Variants in SEC24D observed in about 807,000 individuals in gnomAD.
SEC24D encodes the protein SEC24 homolog D, COPII component.
A neutral mutation model predicts 116.9 loss-of-function variants in SEC24D; 69 were observed. The observed-to-expected ratio is 0.59, with a 90% CI of 0.49 to 0.72. The LOEUF (loss-of-function observed/expected upper bound fraction) is 0.72. SEC24D is among the 30% of genes least tolerant of loss of function. The probability of loss-of-function intolerance (pLI) is 0.00; values close to 1 mark genes in which losing one functional copy is unlikely to be tolerated. For synonymous variants in SEC24D, 405 were observed against 442.8 expected, an observed-to-expected ratio of 0.91 and a Z score of 1.07; for missense variants, 1,131 against 1,264.1, an observed-to-expected ratio of 0.89 and a Z score of 1.60.
At position 118,726,518 on chromosome 4, in the gene SEC24D, G is replaced by A. The variant is rs1490109165; in HGVS notation, c.2958+2043C>T. On this transcript the variant is annotated intron_variant, in intron 22 of 22. Transcript: ENST00000280551. ...TTGGTTGTAGAATGTTTGGTATATT[G>A]CCGGTGTTCAATAAATATTTGTAGA... Among the ~76,000 whole-genome samples, 2 of 152,178 alleles carry A rather than the reference G, an allele frequency of 1.3e-5. 1 individual carries two copies. Among genetic ancestry groups the A allele is most frequent in the Non-Finnish European group, 2.9e-5 (2 of 68,036 alleles).
intron 8 of SEC24D, among the ~76,000 whole-genome samples, chr4:118,771,195 T>A (rs1009281741): frequency 6.6e-6 from 1 of 152,198 alleles, no homozygotes; most frequent in Non-Finnish European, 1.5e-5. Flanking sequence ...CAAGTTACTT[T>A]TCAAAAAATT....
At chr4:118,811,372 G>A (rs1006899147) in intron 6 of SEC24D, among the ~76,000 whole-genome samples, 8 of 152,198 alleles carry the variant, frequency 5.3e-5, no homozygotes, top group Admixed American at 5.2e-4. Context: ...AAGAGAAAGG[G>A]GATGTGACAG....
chr4:118,832,550 T>C (rs1730907523), intron 2 of SEC24D, among the ~76,000 whole-genome samples: 1 of 151,892 alleles, frequency 6.6e-6, no homozygotes, highest in Non-Finnish European at 1.5e-5. Flanking sequence ...TATACTTAGG[T>C]GTGTATGCAA....
At chr4:118,804,885 T>C (rs866572443) in intron 7 of SEC24D, among the ~76,000 whole-genome samples, 14 of 140,994 alleles carry the variant, frequency 9.9e-5, no homozygotes, top group Admixed American at 1.4e-4. Flanking sequence ...TATGCATGCA[T>C]ACACACACAC....
chr4:118,733,244 G>GTTT (rs34557737), intron 19 of SEC24D: 4 of 162,434 alleles, frequency 2.5e-5, no homozygotes, highest in Non-Finnish European at 5.2e-5. Flanking sequence ...TTTTCTCAGT[G>GTTT]TTTTTTTTTT....
chr4:118,831,515 G>A (rs1368544336), intron 2 of SEC24D, among the ~76,000 whole-genome samples: 1 of 152,118 alleles, frequency 6.6e-6, no homozygotes. Context: ...TCTAGAGCAA[G>A]CTTTTCCAAC....
chr4:118,827,758 A>C (rs1436480351), intron 2 of SEC24D, among the ~76,000 whole-genome samples: 1 of 152,130 alleles, frequency 6.6e-6, no homozygotes, highest in African/African-American at 2.4e-5. Context: ...ACATACTCCC[A>C]AGTCTGGTTC....
intron 2 of SEC24D, among the ~76,000 whole-genome samples, chr4:118,829,356 T>A (rs865820741): frequency 1.3e-4 from 20 of 152,044 alleles, no homozygotes; most frequent in Middle Eastern, 3.4e-3. Context: ...CTACAAAAAA[T>A]TTTAAAATTA....
chr4:118,745,253 A>G (rs1323430922), intron 13 of SEC24D, among the ~76,000 whole-genome samples, 193 bp from the exon 14 acceptor site: 1 of 152,204 alleles, frequency 6.6e-6, no homozygotes, highest in Non-Finnish European at 1.5e-5. Flanking sequence ...TGAGGCTGAG[A>G]GAGGACAAGC....
chr4:118,800,936 G>A (rs575775474), intron 7 of SEC24D, among the ~76,000 whole-genome samples: 1 of 152,152 alleles, frequency 6.6e-6, no homozygotes, highest in East Asian at 1.9e-4. Context: ...AACCCTGTCT[G>A]CCCATGGGCA....
chr4:118,788,518 A>G (rs6815903), intron 8 of SEC24D, among the ~76,000 whole-genome samples: 151,028 of 152,362 alleles, frequency 0.99, 74,868 homozygotes, highest in Middle Eastern at 1. Flanking sequence ...TTGTTTTACT[A>G]TTCTGTCCTT....
chr4:118,723,635 T>G lies in SEC24D; in HGVS notation c.2979A>C (p.Arg993=). ...YSMKLTIVKQ[R]EQPEMVFRQF... Reference sequence around the variant, plus strand: ...GTCGGAAAACCATTTCTGGTTGTTCTCGCTGCTTTACAATTGTGAGCTAGG... The same window carrying G: ...GTCGGAAAACCATTTCTGGTTGTTCGCGCTGCTTTACAATTGTGAGCTAGG... Residue 993 remains arginine, a synonymous_variant, in exon 23 of 23, where the codon CGA becomes CGC. Transcript: ENST00000280551. 1 of 1,612,784 alleles carries G rather than the reference T, an allele frequency of 6.2e-7. No homozygotes were observed. The highest frequency in any genetic ancestry group is 1.1e-5 in the South Asian group (1 of 90,530).
At chr4:118,808,755 T>C (rs10001659) in intron 6 of SEC24D, among the ~76,000 whole-genome samples, 2,036 of 152,302 alleles carry the variant, frequency 0.013, 45 homozygotes, top group African/African-American at 0.046. Flanking sequence ...CTTCAGAAGA[T>C]GTGCTGCTAG....
chr4:118,738,531 C>A (rs1315711176), intron 18 of SEC24D, 152 bp from the exon 19 acceptor site: 1 of 639,446 alleles, frequency 1.6e-6, no homozygotes, highest in Admixed American at 2.8e-5. Context: ...TGCTAATGGT[C>A]TCCTCTTGAC....
intron 11 of SEC24D, among the ~76,000 whole-genome samples, chr4:118,756,727 C>T (rs1162474406): frequency 1.3e-5 from 2 of 152,166 alleles, no homozygotes; most frequent in African/African-American, 2.4e-5. Context: ...TATTTCCTCG[C>T]ATGAGGGATG....
intron 15 of SEC24D, among the ~76,000 whole-genome samples, chr4:118,742,452 T>C (rs1364546711): frequency 6.6e-6 from 1 of 152,212 alleles, no homozygotes; most frequent in Non-Finnish European, 1.5e-5. Flanking sequence ...GTAGGCTTCA[T>C]GTACCTCAAT....
intron 19 of SEC24D, among the ~76,000 whole-genome samples, chr4:118,733,824 A>G (rs1230342038): frequency 6.6e-6 from 1 of 152,032 alleles, no homozygotes; most frequent in African/African-American, 2.4e-5. Context: ...CAATTAATAA[A>G]CAAATCCTTT....
chr4:118,734,953 C>T (rs1056213206), intron 19 of SEC24D, among the ~76,000 whole-genome samples: 1 of 152,142 alleles, frequency 6.6e-6, no homozygotes, highest in Non-Finnish European at 1.5e-5. Flanking sequence ...TACTAGTTAG[C>T]CATTTTACAT....
intron 5 of SEC24D, 136 bp from the exon 6 acceptor site, chr4:118,815,291 G>A: frequency 3.0e-6 from 4 of 1,352,878 alleles, no homozygotes; most frequent in Non-Finnish European, 1.0e-6. Flanking sequence ...TCAAGTATGA[G>A]TGTGGTTCCC....
Sources: allele counts gnomAD v4.1 joint callset (sites outside exome capture counted in the v4.1 genomes callset), GRCh38; gene constraint gnomAD v4.1.1; transcripts MANE v1.5; gene names NCBI Gene and HGNC (gene_info 2026-07-23, HGNC 2026-07-21).